SLC2A9: variants seen among roughly 807,000 people sequenced by gnomAD.
The protein encoded by SLC2A9 is solute carrier family 2, facilitated glucose transporter member 9.
In SLC2A9, 39 loss-of-function variants were observed where a neutral mutation model predicts 50.6. The observed-to-expected ratio is 0.77, with a 90% CI of 0.60 to 1.01. SLC2A9 has a LOEUF of 1.01. SLC2A9 is among the 50% of genes least tolerant of loss of function. The pLI, the probability that SLC2A9 is intolerant of heterozygous loss-of-function variation, is 0.00. For synonymous variants in SLC2A9, 324 were observed against 276.9 expected (o/e 1.17, Z -1.69); for missense variants, 686 against 677.6 (o/e 1.01, Z -0.14).
At chr4:9,799,692 A>ACCCCACCC (rs747864798) in intron 3 of SLC2A9, among the ~76,000 whole-genome samples, 2 of 69,812 alleles carry the variant, frequency 2.9e-5, no homozygotes, top group East Asian at 4.8e-4. Flanking sequence ...TTCCAATTGT[A>ACCCCACCC]CCCCCCCCCC....
intron 11 of SLC2A9, among the ~76,000 whole-genome samples, chr4:9,832,216 C>T (rs573697948): frequency 5.3e-5 from 8 of 152,128 alleles, no homozygotes; most frequent in Admixed American, 1.3e-4. Context: ...CACGTTGCTC[C>T]CATGGGCGGG....
intron 3 of SLC2A9, chr4:9,782,077 T>A: frequency 2.6e-6 from 4 of 1,515,614 alleles, no homozygotes; most frequent in Non-Finnish European, 3.5e-6. Context: ...GGCAGTTCGC[T>A]CTATACCAGC....
chr4:9,984,554 C>A (rs897615988), intron 4 of SLC2A9, among the ~76,000 whole-genome samples: 4 of 152,216 alleles, frequency 2.6e-5, no homozygotes, highest in Admixed American at 1.3e-4. Context: ...AAGTAACTTG[C>A]AGCAGAACTG....
chr4:9,880,786 C>T (rs1253439250), intron 10 of SLC2A9, among the ~76,000 whole-genome samples: 1 of 152,194 alleles, frequency 6.6e-6, no homozygotes, highest in Non-Finnish European at 1.5e-5. Context: ...GCCCTCATGA[C>T]CTGCACTTAT....
At chr4:9,837,891 A>G (rs1727351221) in intron 10 of SLC2A9, among the ~76,000 whole-genome samples, 1 of 152,170 alleles carries the variant, frequency 6.6e-6, no homozygotes, top group African/African-American at 2.4e-5. Flanking sequence ...GGTAAAGCAT[A>G]GTGGACTGGA....
At chr4:9,961,543 A>G (rs1752271513) in intron 5 of SLC2A9, among the ~76,000 whole-genome samples, 1 of 152,240 alleles carries the variant, frequency 6.6e-6, no homozygotes, top group South Asian at 2.1e-4. Context: ...CACCTTATAC[A>G]AAAATTAACT....
intron 10 of SLC2A9, among the ~76,000 whole-genome samples, chr4:9,865,009 C>T (rs1732226556): frequency 6.6e-6 from 1 of 152,260 alleles, no homozygotes; most frequent in South Asian, 2.1e-4. Context: ...GAGTACCCCA[C>T]TTTTTGACTC....
intron 10 of SLC2A9, among the ~76,000 whole-genome samples, chr4:9,867,254 G>T (rs1402225691): frequency 6.6e-6 from 1 of 152,194 alleles, no homozygotes; most frequent in Non-Finnish European, 1.5e-5. Flanking sequence ...GGTAATTAAA[G>T]CTGCTAAAGA....
intron 5 of SLC2A9, among the ~76,000 whole-genome samples, chr4:9,965,603 A>G (rs1752934707): frequency 6.6e-6 from 1 of 152,258 alleles, no homozygotes; most frequent in South Asian, 2.1e-4. Context: ...ATGTAATAAA[A>G]CAAAACTGGT....
intron 6 of SLC2A9, among the ~76,000 whole-genome samples, chr4:9,921,639 T>C (rs1743977441): frequency 1.3e-5 from 2 of 152,238 alleles, no homozygotes; most frequent in African/African-American, 4.8e-5. Context: ...GGCTTTGGAG[T>C]GTTATTTCCA....
At chr4:9,931,670 A>C (rs1745951080) in intron 6 of SLC2A9, among the ~76,000 whole-genome samples, 1 of 152,038 alleles carries the variant, frequency 6.6e-6, no homozygotes, top group Non-Finnish European at 1.5e-5. Context: ...ACCTCACAAG[A>C]AATCTCAGGG....
intron 10 of SLC2A9, among the ~76,000 whole-genome samples, chr4:9,884,084 C>T (rs115986870): frequency 2.9e-4 from 44 of 152,304 alleles, no homozygotes; most frequent in African/African-American, 7.9e-4. Flanking sequence ...CTACCTGGGA[C>T]ACTAGCCATG....
In SLC2A9 at chr4:9,854,456, T is replaced by C. The variant is rs117836654; in HGVS notation, c.1292-19448A>G. On this transcript the variant is annotated intron_variant, in intron 10 of 11. Coordinates refer to ENST00000264784, the MANE Select transcript of SLC2A9 (RefSeq NM_020041.3). ...ACCAATAACAAGTTCTGAAACTGAA[T>C]TGGCAGTTAAAAGCCTACCAACCAG... 4.6e-5 allele frequency among the ~76,000 whole-genome samples: 7 copies of C among 152,254 alleles called. No individual in the cohort carries two copies. In the East Asian group the frequency reaches 7.7e-4, roughly 17 times the overall value.
chr4:9,909,381 G>A (rs777732975), intron 7 of SLC2A9, among the ~76,000 whole-genome samples: 9 of 152,118 alleles, frequency 5.9e-5, no homozygotes, highest in African/African-American at 1.4e-4. Flanking sequence ...ACCAGCCCTC[G>A]CAACTTATTT....
chr4:9,849,071 C>T (rs117310843), intron 10 of SLC2A9, among the ~76,000 whole-genome samples: 2 of 152,096 alleles, frequency 1.3e-5, no homozygotes, highest in East Asian at 1.9e-4. Context: ...GCCTGGGCTG[C>T]GATGGGGAGG....
chr4:9,876,599 ACAAACAAACAAG>A (rs1329742458), intron 10 of SLC2A9, among the ~76,000 whole-genome samples: 2 of 152,186 alleles, frequency 1.3e-5, no homozygotes, highest in Non-Finnish European at 2.9e-5. Flanking sequence ...TCTAAAACAA[ACAAACAAACAAG>A]CAAACAAACA....
downstream of SLC2A9, among the ~76,000 whole-genome samples, chr4:9,796,471 A>C (rs1292180363): frequency 6.6e-6 from 1 of 152,208 alleles, no homozygotes; most frequent in African/African-American, 2.4e-5. Context: ...GGAGATATTT[A>C]TCATGCCTCC....
intron 10 of SLC2A9, among the ~76,000 whole-genome samples, chr4:9,848,355 TAAA>T (rs10716180): frequency 0.16 from 22,789 of 139,054 alleles, 2,417 homozygotes; most frequent in African/African-American, 0.31. Flanking sequence ...ATGTGTTTTC[TAAA>T]AAAAAAAAAA....
At chr4:9,884,445 G>GT (rs11420026) in intron 10 of SLC2A9, among the ~76,000 whole-genome samples, 135,143 of 148,964 alleles carry the variant, frequency 0.91, 61,400 homozygotes, top group African/African-American at 0.93. Context: ...GGCTAGAAAT[G>GT]TTTTTTTTTT....
Sources: gnomAD v4.1 joint callset for allele counts (sites outside exome capture counted in the v4.1 genomes callset) on GRCh38, gnomAD v4.1.1 for gene constraint, MANE v1.5 for transcripts, NCBI Gene and HGNC (gene_info 2026-07-23, HGNC 2026-07-21) for gene names.